Variants in SLC41A2 observed in about 807,000 individuals in gnomAD.
The protein encoded by SLC41A2 is SLC41A1-like 1.
Under a neutral mutation model 58.3 loss-of-function variants are expected in SLC41A2, and 32 were observed. The observed-to-expected ratio is 0.55, with a 90% confidence interval of 0.41 to 0.74. The LOEUF (loss-of-function observed/expected upper bound fraction) is 0.74. Among genes scored for constraint, SLC41A2 ranks in the 30% least tolerant of loss-of-function variants. SLC41A2 has a pLI of 0.00. For synonymous variants in SLC41A2, 190 were observed against 235.0 expected, an observed-to-expected ratio of 0.81 and a Z score of 1.75; for missense variants, 514 against 680.6, an observed-to-expected ratio of 0.76 and a Z score of 2.72.
At chr12:104,850,341 A>G (rs1408553436) in intron 8 of SLC41A2, among the ~76,000 whole-genome samples, 1 of 152,236 alleles carries the variant, frequency 6.6e-6, no homozygotes, top group Non-Finnish European at 1.5e-5. Context: ...GAAAAAACCC[A>G]GCCCTAGCAG....
chr12:104,953,917 G>T (rs1364188524), intron 1 of SLC41A2, among the ~76,000 whole-genome samples: 21 of 152,106 alleles, frequency 1.4e-4, no homozygotes. Context: ...GGGGCAAAAG[G>T]AAAGAGGGAT....
intron 10 of SLC41A2, among the ~76,000 whole-genome samples, chr12:104,820,391 G>A (rs2041581005): frequency 6.6e-6 from 1 of 152,210 alleles, no homozygotes. Flanking sequence ...TTAAGCCGAG[G>A]AGTTCAAGGT....
chr12:104,879,616 T>C (rs978161947), intron 6 of SLC41A2, among the ~76,000 whole-genome samples: 2 of 152,150 alleles, frequency 1.3e-5, no homozygotes, highest in African/African-American at 2.4e-5. Context: ...AGATGTGTGG[T>C]ATTATTTCCG....
At chr12:104,907,224 A>G (rs200225057) in intron 3 of SLC41A2, among the ~76,000 whole-genome samples, 1 of 85,258 alleles carries the variant, frequency 1.2e-5, no homozygotes, top group East Asian at 3.3e-4. Context: ...TTTTTTTTTC[A>G]TTTTTAGCAC....
At chr12:104,844,159 G>T (rs560692536) in intron 10 of SLC41A2, among the ~76,000 whole-genome samples, 1 of 152,032 alleles carries the variant, frequency 6.6e-6, no homozygotes, top group African/African-American at 2.4e-5. Context: ...ATTAAAGATG[G>T]GTTTATGGAA....
rs2042910944 is a variant in SLC41A2, at chr12:104,853,914, T to TTA, written c.1255+7376_1255+7377insTA. Among the ~76,000 whole-genome samples, 3 of 29,246 alleles carry TTA rather than the reference T, an allele frequency of 1.0e-4. 1 individual carries two copies. Among genetic ancestry groups the TTA allele is most frequent in the Non-Finnish European group, 2.7e-4 (3 of 11,046 alleles). The allele number at this position is 29,246 out of a possible 152,430, so 19.2% of individuals were successfully genotyped here. A position where few individuals can be genotyped will look rare whatever the true frequency, so the allele number is the denominator to read the frequency against. On this transcript the variant is annotated intron_variant, in intron 8 of 10. Transcript: ENST00000258538. ...TGCATGTCACCATGCCTGGCTGATT[T>TTA]TTTTTTTTTTTTTTTTTTTTTTTTT...
At chr12:104,842,616 C>T (rs2042453783) in intron 10 of SLC41A2, among the ~76,000 whole-genome samples, 1 of 152,016 alleles carries the variant, frequency 6.6e-6, no homozygotes, top group Non-Finnish European at 1.5e-5. Flanking sequence ...ATAGTACAAC[C>T]TCTCCCATTT....
intron 10 of SLC41A2, among the ~76,000 whole-genome samples, chr12:104,807,353 T>C (rs1280489255): frequency 1.3e-5 from 2 of 152,188 alleles, no homozygotes; most frequent in Non-Finnish European, 2.9e-5. Flanking sequence ...TTTTGTCAGG[T>C]TTGTCAAAGA....
intron 8 of SLC41A2, among the ~76,000 whole-genome samples, chr12:104,858,985 GTTGT>G (rs2043113503): frequency 6.6e-6 from 1 of 152,124 alleles, no homozygotes; most frequent in Admixed American, 6.5e-5. Flanking sequence ...TTACTGAAAT[GTTGT>G]TTAATATAGC....
chr12:104,939,618 C>T (rs183701728), intron 1 of SLC41A2, among the ~76,000 whole-genome samples: 1 of 152,308 alleles, frequency 6.6e-6, no homozygotes, highest in African/African-American at 2.4e-5. Context: ...GCATTCTGTT[C>T]CATTGCAAAA....
Position 104,826,055 on chromosome 12 carries a change from C to A in SLC41A2, c.1536+18417G>T, listed in dbSNP as rs75584246. Among the ~76,000 whole-genome samples the A allele has an allele frequency of 5.9e-3, 897 of 152,292 alleles. 17 individuals carry two copies. The highest frequency in any genetic ancestry group is 0.02 in the African/African-American group (843 of 41,540). Reference sequence around the variant, plus strand: ...GAAGATGCTCGCTTTCTCTCTCCATCACATCCTGAGTTTTCGCTGAAAGAG... The same window carrying A: ...GAAGATGCTCGCTTTCTCTCTCCATAACATCCTGAGTTTTCGCTGAAAGAG... On this transcript the variant is annotated intron_variant, in intron 10 of 10. Transcript: ENST00000258538.
In SLC41A2 at chr12:104,843,496, C is replaced by A. The variant is rs534063080; in HGVS notation, c.1536+976G>T. ...TACCAGCCCTAATCAACCTTCTTAA[C>A]CTTATCTTGTCTGTTAGATCCTATA... On this transcript the variant is annotated intron_variant, in intron 10 of 10. Transcript: ENST00000258538. 2.0e-5 allele frequency among the ~76,000 whole-genome samples: 3 copies of A among 152,112 alleles called. No individual in the cohort carries two copies. The South Asian group carries it at 6.2e-4, about 32-fold the overall frequency.
intron 10 of SLC41A2, among the ~76,000 whole-genome samples, chr12:104,828,881 AAT>A (rs2041944952): frequency 6.6e-6 from 1 of 152,138 alleles, no homozygotes; most frequent in African/African-American, 2.4e-5. Context: ...ATGAGTGGTT[AAT>A]AAACCCATAA....
At chr12:104,901,888 T>C (rs1044888589) in intron 3 of SLC41A2, among the ~76,000 whole-genome samples, 4 of 152,184 alleles carry the variant, frequency 2.6e-5, no homozygotes, top group Non-Finnish European at 5.9e-5. Context: ...TCTTATGATA[T>C]CTTATGTTTT....
At chr12:104,883,130 A>G (rs2044470245) in intron 6 of SLC41A2, among the ~76,000 whole-genome samples, 2 of 152,138 alleles carry the variant, frequency 1.3e-5, no homozygotes, top group South Asian at 2.1e-4. Flanking sequence ...AAGCTTGTGC[A>G]TGCATCATGT....
chr12:104,942,386 G>A (rs1315442759), intron 1 of SLC41A2, among the ~76,000 whole-genome samples: 1 of 151,476 alleles, frequency 6.6e-6, no homozygotes, highest in Non-Finnish European at 1.5e-5. Context: ...ACTGAGGTGG[G>A]AGGATCACCT....
intron 8 of SLC41A2, among the ~76,000 whole-genome samples, chr12:104,849,272 G>T (rs2042719135): frequency 1.3e-5 from 2 of 152,146 alleles, no homozygotes; most frequent in South Asian, 2.1e-4. Flanking sequence ...CAGAGTGGAA[G>T]AATTTTTTTC....
At chr12:104,868,673 G>T (rs1027983272) in intron 6 of SLC41A2, among the ~76,000 whole-genome samples, 2 of 152,138 alleles carry the variant, frequency 1.3e-5, no homozygotes, top group Non-Finnish European at 2.9e-5. Flanking sequence ...GCAGCACTAT[G>T]CATAATGGCC....
intron 10 of SLC41A2, among the ~76,000 whole-genome samples, chr12:104,840,973 C>T (rs1166785337): frequency 6.6e-6 from 1 of 152,018 alleles, no homozygotes; most frequent in East Asian, 1.9e-4. Context: ...AAAAAAAAAT[C>T]TTATACTAAC....
Sources: allele counts gnomAD v4.1 joint callset (sites outside exome capture counted in the v4.1 genomes callset), GRCh38; gene constraint gnomAD v4.1.1; transcripts MANE v1.5; gene names NCBI Gene and HGNC (gene_info 2026-07-23, HGNC 2026-07-21).